The following CLSTN2 variants were observed in gnomAD, a reference collection of about 807,000 sequenced individuals.
CLSTN2 encodes the protein calsyntenin-2.
Under a neutral mutation model 101.2 loss-of-function variants are expected in CLSTN2, and 48 were observed. The ratio of observed to expected loss-of-function variants is 0.47; its 90% confidence interval spans 0.38 to 0.60. The LOEUF (loss-of-function observed/expected upper bound fraction) is 0.60. CLSTN2 is among the 20% of genes least tolerant of loss of function. The probability of loss-of-function intolerance (pLI) is 0.00; values close to 1 mark genes in which losing one functional copy is unlikely to be tolerated. For missense variants in CLSTN2, 1,160 were observed against 1,238.2 expected, an observed-to-expected ratio of 0.94 and a Z score of 0.95; for synonymous variants, 481 against 463.6, an observed-to-expected ratio of 1.04 and a Z score of -0.48.
intron 2 of CLSTN2, among the ~76,000 whole-genome samples, chr3:140,223,175 T>A (rs1439906811): frequency 6.6e-6 from 1 of 152,184 alleles, no homozygotes; most frequent in Admixed American, 6.5e-5. Flanking sequence ...AGAAGCAACA[T>A]CTTACCTGGA....
intron 8 of CLSTN2, among the ~76,000 whole-genome samples, chr3:140,526,551 T>A (rs1935141999): frequency 6.7e-6 from 1 of 149,806 alleles, no homozygotes; most frequent in African/African-American, 2.5e-5. Flanking sequence ...TTTTACAGAA[T>A]TAGAAAAATC....
intron 1 of CLSTN2, among the ~76,000 whole-genome samples, chr3:140,123,485 C>T (rs1430530866): frequency 2.0e-5 from 3 of 152,090 alleles, no homozygotes; most frequent in South Asian, 2.1e-4. Flanking sequence ...AGTGCCTCTG[C>T]ATGCCAAGCA....
intron 1 of CLSTN2, among the ~76,000 whole-genome samples, chr3:140,080,189 CCTT>C (rs1205709784): frequency 6.6e-6 from 1 of 152,208 alleles, no homozygotes; most frequent in Non-Finnish European, 1.5e-5. Flanking sequence ...CATTGAACCT[CCTT>C]CTCTGAAGCC....
At chr3:140,374,947 G>T (rs1187396660) in intron 2 of CLSTN2, among the ~76,000 whole-genome samples, 1 of 152,196 alleles carries the variant, frequency 6.6e-6, no homozygotes, top group African/African-American at 2.4e-5. Context: ...CCAGCTTAAA[G>T]CCTTTGCATT....
chr3:140,201,258 G>A (rs186995330), intron 2 of CLSTN2, among the ~76,000 whole-genome samples: 2 of 152,228 alleles, frequency 1.3e-5, no homozygotes, highest in East Asian at 3.9e-4. Flanking sequence ...TCTCGAAATA[G>A]CCATTGGGAG....
At chr3:139,987,821 A>G (rs539329007) in intron 1 of CLSTN2, among the ~76,000 whole-genome samples, 1 of 152,314 alleles carries the variant, frequency 6.6e-6, no homozygotes, top group South Asian at 2.1e-4. Flanking sequence ...CCCCTGGGGA[A>G]TTCAGTCCCT....
At chr3:140,491,546 G>T (rs1457423994) in intron 8 of CLSTN2, among the ~76,000 whole-genome samples, 1 of 152,234 alleles carries the variant, frequency 6.6e-6, no homozygotes, top group East Asian at 1.9e-4. Flanking sequence ...TTTAGACTGG[G>T]TGTGGTAGCT....
chr3:140,235,826 A>G (rs2086411847), intron 2 of CLSTN2, among the ~76,000 whole-genome samples: 1 of 152,138 alleles, frequency 6.6e-6, no homozygotes, highest in African/African-American at 2.4e-5. Flanking sequence ...GAAGGTGAGG[A>G]CAGTTTATTT....
At chr3:140,140,659 G>A (rs1229274790) in intron 1 of CLSTN2, among the ~76,000 whole-genome samples, 1 of 152,164 alleles carries the variant, frequency 6.6e-6, no homozygotes, top group East Asian at 1.9e-4. Flanking sequence ...ACTTGAGTAG[G>A]TGCAACTGTC....
chr3:140,111,148 G>C (rs1236272726), intron 1 of CLSTN2, among the ~76,000 whole-genome samples: 3 of 152,170 alleles, frequency 2.0e-5, no homozygotes, highest in African/African-American at 7.2e-5. Context: ...CTATTAGAGA[G>C]ACAGTCTGCA....
intron 2 of CLSTN2, among the ~76,000 whole-genome samples, chr3:140,358,479 T>C (rs1194518229): frequency 6.6e-6 from 1 of 152,128 alleles, no homozygotes; most frequent in African/African-American, 2.4e-5. Flanking sequence ...TAATGAATAC[T>C]AAAGCACTTA....
chr3:140,371,278 G>T (rs1328653765), intron 2 of CLSTN2, among the ~76,000 whole-genome samples: 1 of 150,800 alleles, frequency 6.6e-6, no homozygotes, highest in Non-Finnish European at 1.5e-5. Context: ...AAGATAAGGG[G>T]TAGAGGCTGG....
intron 2 of CLSTN2, among the ~76,000 whole-genome samples, chr3:140,398,736 C>T (rs1159708655): frequency 6.6e-6 from 1 of 152,178 alleles, no homozygotes; most frequent in Non-Finnish European, 1.5e-5. Flanking sequence ...TCAGTTTCCT[C>T]ATCTAAAAAA....
Position 140,532,349 on chromosome 3 carries a change from A to G in CLSTN2, c.1370A>G (p.Tyr457Cys), listed in dbSNP as rs374542810. The change falls in exon 9 of 17, where the codon TAT (tyrosine) becomes TGT (cysteine). Residue 457 changes from tyrosine to cysteine, a missense_variant. Transcript: ENST00000458420. Reference protein sequence around the residue: ...DQICDKEWHYYVINVEFPVVT... With the variant: ...DQICDKEWHYCVINVEFPVVT... ...ATTTGTGACAAAGAGTGGCACTACTATGTCATCAATGTGGAGTTTCCTGTG... is the reference window on the plus strand; with the variant it reads ...ATTTGTGACAAAGAGTGGCACTACTGTGTCATCAATGTGGAGTTTCCTGTG... 6.2e-6 allele frequency: 10 copies of G among 1,609,216 alleles called. No homozygotes were observed. Among genetic ancestry groups the G allele is most frequent in the African/African-American group, 5.3e-5 (4 of 74,844 alleles).
chr3:140,510,528 G>A (rs777814921), intron 8 of CLSTN2, among the ~76,000 whole-genome samples: 13 of 152,162 alleles, frequency 8.5e-5, no homozygotes, highest in Non-Finnish European at 1.5e-4. Flanking sequence ...TGGTTTTTCA[G>A]GATTGTTTTG....
intron 2 of CLSTN2, among the ~76,000 whole-genome samples, chr3:140,197,106 C>A (rs1039472606): frequency 6.6e-6 from 1 of 152,156 alleles, no homozygotes; most frequent in Non-Finnish European, 1.5e-5. Context: ...CAAATACAAC[C>A]CTGCCTGGCT....
intron 4 of CLSTN2, among the ~76,000 whole-genome samples, chr3:140,408,188 C>T (rs1459240942): frequency 6.6e-6 from 1 of 152,126 alleles, no homozygotes; most frequent in Non-Finnish European, 1.5e-5. Context: ...AAGTGCTTAG[C>T]ACAGAGAGAG....
In CLSTN2 at chr3:140,556,513, T is replaced by A. The variant is rs1172569466; in HGVS notation, c.1675T>A (p.Tyr559Asn). ...CATGATGCTCACTTTTGTCTTCCAG[T>A]ATCACTTCAACCCCTCGCAGTCCAT... ...SLESLGQGIKYHFNPSQSILV... is the reference protein window; with the variant it reads ...SLESLGQGIKNHFNPSQSILV... The change falls in exon 11 of 17, where the codon TAT (tyrosine) becomes AAT (asparagine). Residue 559 changes from tyrosine to asparagine, a missense_variant and splice_region_variant. Coordinates refer to ENST00000458420, the MANE Select transcript of CLSTN2 (RefSeq NM_022131.3). The A allele has an allele frequency of 6.2e-7, 1 of 1,614,028 alleles. No individual in the cohort carries two copies. Among genetic ancestry groups the A allele is most frequent in the African/African-American group, 1.3e-5 (1 of 75,032 alleles).
chr3:140,100,317 A>G (rs771334153), intron 1 of CLSTN2, among the ~76,000 whole-genome samples: 32 of 152,032 alleles, frequency 2.1e-4, no homozygotes, highest in Non-Finnish European at 7.4e-5. Context: ...CCCCTCCACC[A>G]TAAAATGTAG....
Sources: gnomAD v4.1 joint callset for allele counts (sites outside exome capture counted in the v4.1 genomes callset) on GRCh38, gnomAD v4.1.1 for gene constraint, MANE v1.5 for transcripts, NCBI Gene and HGNC (gene_info 2026-07-23, HGNC 2026-07-21) for gene names.